The following RPTOR variants were observed in gnomAD, a reference collection of about 807,000 sequenced individuals.
RPTOR encodes regulatory-associated protein of mTOR.
In RPTOR, 21 loss-of-function variants were observed where a neutral mutation model predicts 169.9. The observed-to-expected ratio is 0.12, with a 90% CI of 0.09 to 0.18. RPTOR has a LOEUF of 0.18. Ranked by LOEUF, RPTOR falls within the 10% of genes least tolerant of loss-of-function variation. RPTOR has a pLI of 1.00. For synonymous variants in RPTOR, 732 were observed against 753.2 expected (o/e 0.97, Z 0.46); for missense variants, 1,133 against 1,855.9 (o/e 0.61, Z 7.16).
At chr17:80,694,651 C>T (rs1223659044) in intron 3 of RPTOR, among the ~76,000 whole-genome samples, 2 of 152,202 alleles carry the variant, frequency 1.3e-5, no homozygotes, top group African/African-American at 2.4e-5. Context: ...CTGTTGATCA[C>T]GGCTGGTGGT....
rs924827137 is a variant in RPTOR, at chr17:80,844,226, G to T, written c.1213-2247G>T. On this transcript the variant is annotated intron_variant, in intron 10 of 33. Coordinates refer to ENST00000306801, the MANE Select transcript of RPTOR (RefSeq NM_020761.3). This position sits in a 1 kb window ranked among gnomAD's most constrained non-coding sequence, Gnocchi z 4.7. Reference sequence around the variant, plus strand: ...CTTGCTCTAATTCGTCAGCCTCCCCGTGGCTTTAGGGAGCTTCACGGGCTT... The same window carrying T: ...CTTGCTCTAATTCGTCAGCCTCCCCTTGGCTTTAGGGAGCTTCACGGGCTT... Among the ~76,000 whole-genome samples the T allele has an allele frequency of 6.6e-6, 1 of 152,270 alleles. No homozygotes were observed. Among genetic ancestry groups the T allele is most frequent in the East Asian group, 1.9e-4 (1 of 5,182 alleles).
intron 1 of RPTOR, among the ~76,000 whole-genome samples, chr17:80,587,575 C>T (rs528931673): frequency 6.6e-5 from 10 of 152,306 alleles, no homozygotes; most frequent in African/African-American, 2.4e-4. Context: ...GCACCACACT[C>T]CGGCCCACAC....
chr17:80,920,883 T>C (rs1216685233), intron 21 of RPTOR, among the ~76,000 whole-genome samples: 3 of 152,270 alleles, frequency 2.0e-5, no homozygotes, highest in East Asian at 1.9e-4. Context: ...AGGGATCATA[T>C]GTCTGGCAGG....
intron 21 of RPTOR, chr17:80,909,514 G>A (rs750947611): frequency 3.3e-4 from 50 of 152,300 alleles, no homozygotes; most frequent in Non-Finnish European, 5.0e-4. Flanking sequence ...GACTACAGGT[G>A]CACACCACCA....
At chr17:80,723,223 C>A (rs903268117) in intron 4 of RPTOR, among the ~76,000 whole-genome samples, 4 of 150,800 alleles carry the variant, frequency 2.7e-5, no homozygotes, top group African/African-American at 9.9e-5. Flanking sequence ...CTTTATAATT[C>A]ATAAGCATTT....
chr17:80,644,951 A>G (rs1364732136), intron 3 of RPTOR, among the ~76,000 whole-genome samples: 1 of 152,198 alleles, frequency 6.6e-6, no homozygotes, highest in Admixed American at 6.5e-5. Flanking sequence ...CAGTGGCTTC[A>G]TGGGTTCTTG....
rs532100833 is a variant in RPTOR at position 80,571,222 on chromosome 17, C to T, written c.162+25431C>T. Among the ~76,000 whole-genome samples, 15 of 152,278 alleles carry T rather than the reference C, an allele frequency of 9.9e-5. No homozygotes were observed. The South Asian group carries it at 3.1e-3, about 32-fold the overall frequency. Reference sequence around the variant, plus strand: ...ACAGAAATCCTCTTTCAGTGTTAATCATTGTTCATGTCCTATAGAAAATGG... The same window carrying T: ...ACAGAAATCCTCTTTCAGTGTTAATTATTGTTCATGTCCTATAGAAAATGG... On this transcript the variant is annotated intron_variant, in intron 1 of 33. Coordinates refer to ENST00000306801, the MANE Select transcript of RPTOR (RefSeq NM_020761.3).
chr17:80,584,602 T>C (rs1327360380), intron 1 of RPTOR, among the ~76,000 whole-genome samples: 1 of 152,198 alleles, frequency 6.6e-6, no homozygotes, highest in Non-Finnish European at 1.5e-5. Flanking sequence ...GCAGAGAAAG[T>C]CCTTTTCCTG....
chr17:80,786,969 A>G (rs2066998579), intron 6 of RPTOR, among the ~76,000 whole-genome samples: 2 of 152,222 alleles, frequency 1.3e-5, no homozygotes, highest in Admixed American at 1.3e-4. Context: ...GTATTTTTAT[A>G]GCATAATGGG....
At chr17:80,813,766 A>G (rs1011176485) in intron 7 of RPTOR, among the ~76,000 whole-genome samples, 3 of 152,252 alleles carry the variant, frequency 2.0e-5, no homozygotes, top group Admixed American at 6.5e-5. Context: ...CGTCATTTTC[A>G]TAGTAGTCAT....
At chr17:80,676,781 C>T (rs1213336665) in intron 3 of RPTOR, among the ~76,000 whole-genome samples, 1 of 152,242 alleles carries the variant, frequency 6.6e-6, no homozygotes, top group Non-Finnish European at 1.5e-5. Flanking sequence ...TGGCCTCAGG[C>T]TCTGTCCCTG....
chr17:80,677,020 C>G (rs1598213340), intron 3 of RPTOR, among the ~76,000 whole-genome samples: 1 of 152,210 alleles, frequency 6.6e-6, no homozygotes, highest in East Asian at 1.9e-4. Flanking sequence ...ACCTCCTGAG[C>G]AGGTACTGCC....
chr17:80,827,326 C>T (rs993427458), intron 9 of RPTOR, among the ~76,000 whole-genome samples: 2 of 152,180 alleles, frequency 1.3e-5, no homozygotes, highest in African/African-American at 4.8e-5. Flanking sequence ...CTTGGCAGCT[C>T]AGAACAGCAC....
intron 2 of RPTOR, among the ~76,000 whole-genome samples, chr17:80,639,022 T>A (rs761324435): frequency 1.3e-5 from 2 of 152,190 alleles, no homozygotes; most frequent in Non-Finnish European, 2.9e-5. Context: ...CTCCAAGCTT[T>A]GCGCCTGAGC....
At chr17:80,561,263 G>GTATATATATATATATATATATATATATA (rs1555713889) in intron 1 of RPTOR, among the ~76,000 whole-genome samples, 13 of 19,632 alleles carry the variant, frequency 6.6e-4, no homozygotes, top group African/African-American at 1.1e-3. Flanking sequence ...ATATATATAT[G>GTATATATATATATATATATATATATATA]TATATATATA....
chr17:80,634,949 C>T (rs1189706568), intron 2 of RPTOR, among the ~76,000 whole-genome samples: 7 of 152,096 alleles, frequency 4.6e-5, no homozygotes, highest in Admixed American at 1.3e-4. Flanking sequence ...ATACTATGTG[C>T]GTGTGCTTCT....
chr17:80,832,638 T>C (rs1388246107), intron 9 of RPTOR, among the ~76,000 whole-genome samples: 1 of 152,198 alleles, frequency 6.6e-6, no homozygotes, highest in Non-Finnish European at 1.5e-5. Flanking sequence ...TTTTGCCAAC[T>C]GCAACTGAGG....
chr17:80,880,315 A>G (rs941365159), intron 13 of RPTOR, 100 bp from the exon 14 acceptor site: 6 of 971,068 alleles, frequency 6.2e-6, no homozygotes, highest in African/African-American at 3.2e-5. Flanking sequence ...TAATTGAGGT[A>G]TAAGAAGTCC....
At chr17:80,573,679 C>G (rs970931498) in intron 1 of RPTOR, among the ~76,000 whole-genome samples, 26 of 152,224 alleles carry the variant, frequency 1.7e-4, no homozygotes, top group African/African-American at 6.0e-4. Flanking sequence ...TTCCTGCCCC[C>G]TTGATCCTGA....
Sources: allele counts gnomAD v4.1 joint callset (sites outside exome capture counted in the v4.1 genomes callset), GRCh38; gene constraint gnomAD v4.1.1; non-coding constraint Gnocchi (gnomAD v3.1); transcripts MANE v1.5; gene names NCBI Gene and HGNC (gene_info 2026-07-23, HGNC 2026-07-21).